Variants in ARMH3 observed in about 807,000 individuals in gnomAD.
ARMH3 encodes the protein armadillo-like helical domain-containing protein 3.
ARMH3 carries 60 observed loss-of-function variants against 99.1 expected under a neutral mutation model. That is an observed-to-expected ratio of 0.61 (90% CI 0.49 to 0.75). The LOEUF is 0.75. ARMH3 is among the 30% of genes least tolerant of loss of function. The pLI, the probability that ARMH3 is intolerant of heterozygous loss-of-function variation, is 0.00. For missense variants in ARMH3, 679 were observed against 843.1 expected (o/e 0.81, Z 2.41); for synonymous variants, 285 against 292.8 (o/e 0.97, Z 0.27).
At chr10:102,012,451 A>G (rs1015100862) in intron 10 of ARMH3, among the ~76,000 whole-genome samples, 10 of 152,186 alleles carry the variant, frequency 6.6e-5, no homozygotes, top group Non-Finnish European at 1.2e-4. Flanking sequence ...CCTTTTATAT[A>G]TTTTTTAAGA....
intron 1 of ARMH3, among the ~76,000 whole-genome samples, chr10:102,048,830 G>T (rs143342152): frequency 1.1e-4 from 16 of 152,132 alleles, no homozygotes; most frequent in Non-Finnish European, 2.1e-4. Context: ...TAGATACAGG[G>T]TTTTTTAAAA....
intron 23 of ARMH3, among the ~76,000 whole-genome samples, chr10:101,895,548 G>C (rs1389828565): frequency 6.6e-6 from 1 of 152,002 alleles, no homozygotes; most frequent in East Asian, 1.9e-4. Context: ...CAAAGTGTTG[G>C]GATTACAGGT....
chr10:101,975,396 T>C (rs902199104), intron 19 of ARMH3, 96 bp from the exon 20 acceptor site: 19 of 880,814 alleles, frequency 2.2e-5, no homozygotes, highest in Non-Finnish European at 7.4e-6. Flanking sequence ...CTAAGGCCAC[T>C]AAAGACACTG....
At chr10:101,858,341 G>A (rs2066781516) in intron 24 of ARMH3, among the ~76,000 whole-genome samples, 1 of 152,124 alleles carries the variant, frequency 6.6e-6, no homozygotes, top group East Asian at 1.9e-4. Context: ...GGATGGAGCT[G>A]GGTAAGCCTG....
intron 8 of ARMH3, among the ~76,000 whole-genome samples, chr10:102,019,814 G>C (rs1455492811): frequency 2.0e-5 from 3 of 151,396 alleles, no homozygotes; most frequent in Non-Finnish European, 4.4e-5. Context: ...TGTAATCCCA[G>C]CTACTCCGGA....
chr10:102,001,922 G>A (rs962957290), intron 15 of ARMH3, 49 bp downstream of exon 15: 1 of 1,510,880 alleles, frequency 6.6e-7, no homozygotes. Context: ...GATGCTAGCT[G>A]CCTGCCACAC....
intron 20 of ARMH3, among the ~76,000 whole-genome samples, chr10:101,974,127 T>C (rs1383884680): frequency 3.3e-5 from 5 of 152,202 alleles, no homozygotes; most frequent in South Asian, 2.1e-4. Context: ...AATGCCACTA[T>C]TGCCACTTAA....
Position 101,995,353 on chromosome 10 carries a change from C to A in ARMH3, c.1153G>T (p.Glu385Ter). The A allele has an allele frequency of 6.2e-7, 1 of 1,612,994 alleles. No individual in the cohort carries two copies. The highest frequency in any genetic ancestry group is 1.1e-5 in the South Asian group (1 of 90,938). The part of the protein sequence containing the change: ...SSIVMQDTKD[E>*]HRLHSGKLCL... ...AGTTTGCCACTGTGAAGCCTGTGTT[C>A]ATCTGTAAAGAAAAAAGAAACTCTT... is the stretch of plus-strand genomic sequence containing the variant. The change falls in exon 16 of 26, where the codon GAA (glutamate) becomes TAA (stop). Residue 385 changes from glutamate (E) to a stop codon, truncating the protein, a stop_gained and splice_region_variant. Coordinates refer to ENST00000370033, the MANE Select transcript of ARMH3 (RefSeq NM_024541.3). LOFTEE classifies it high-confidence loss of function.
chr10:101,987,898 G>GT (rs1175558396), intron 19 of ARMH3, among the ~76,000 whole-genome samples: 7 of 151,942 alleles, frequency 4.6e-5, no homozygotes, highest in Non-Finnish European at 5.9e-5. Flanking sequence ...AAGCCTTAAG[G>GT]TTTTTTTTAA....
intron 23 of ARMH3, among the ~76,000 whole-genome samples, chr10:101,927,508 C>T (rs898674766): frequency 1.3e-5 from 2 of 152,230 alleles, no homozygotes; most frequent in Non-Finnish European, 2.9e-5. Context: ...TTTAAATTTA[C>T]CTCAAGGTCC....
At chr10:101,862,945 T>G (rs974729021) in intron 24 of ARMH3, among the ~76,000 whole-genome samples, 1 of 152,244 alleles carries the variant, frequency 6.6e-6, no homozygotes, top group African/African-American at 2.4e-5. Flanking sequence ...GGCTCATGCC[T>G]GTAATCCCAG....
chr10:101,956,938 AT>A (rs1017174094), intron 21 of ARMH3, among the ~76,000 whole-genome samples: 1 of 152,210 alleles, frequency 6.6e-6, no homozygotes, highest in Non-Finnish European at 1.5e-5. Flanking sequence ...AGTAATAAAT[AT>A]TAAAAACTTA....
At chr10:101,895,184 A>G (rs2067793795) in intron 23 of ARMH3, among the ~76,000 whole-genome samples, 1 of 152,230 alleles carries the variant, frequency 6.6e-6, no homozygotes, top group Admixed American at 6.5e-5. Context: ...ATCCACATGC[A>G]AAAGAATGAA....
intron 2 of ARMH3, among the ~76,000 whole-genome samples, chr10:102,038,908 T>A (rs2067343920): frequency 6.6e-6 from 1 of 151,760 alleles, no homozygotes. Context: ...CCTGGATAAT[T>A]TTTGTATTTT....
intron 24 of ARMH3, among the ~76,000 whole-genome samples, chr10:101,875,817 C>T (rs1213787617): frequency 6.6e-6 from 1 of 152,200 alleles, no homozygotes; most frequent in Non-Finnish European, 1.5e-5. Context: ...GGTTGAAGCC[C>T]TAGACACCCC....
chr10:101,854,112 CAAA>C, intron 24 of ARMH3, among the ~76,000 whole-genome samples: 1 of 150,568 alleles, frequency 6.6e-6, no homozygotes, highest in Admixed American at 6.6e-5. Context: ...GACTCCGTCT[CAAA>C]AAAAAAGAAA....
chr10:102,054,897 G>A (rs2067800482), intron 1 of ARMH3, among the ~76,000 whole-genome samples: 1 of 151,736 alleles, frequency 6.6e-6, no homozygotes, highest in African/African-American at 2.4e-5. Context: ...TTGGGGGGCT[G>A]ACGGGGAAGA....
At chr10:101,881,049 A>G (rs2067403262) in intron 24 of ARMH3, among the ~76,000 whole-genome samples, 1 of 152,244 alleles carries the variant, frequency 6.6e-6, no homozygotes, top group Non-Finnish European at 1.5e-5. Flanking sequence ...ACTCATTCAG[A>G]TATAAAGCAT....
chr10:101,937,745 A>G (rs1288827872), intron 23 of ARMH3, among the ~76,000 whole-genome samples: 1 of 152,202 alleles, frequency 6.6e-6, no homozygotes, highest in Non-Finnish European at 1.5e-5. Context: ...AAGTGAGAAT[A>G]GATGTCAGAA....
Sources: allele counts gnomAD v4.1 joint callset (sites outside exome capture counted in the v4.1 genomes callset), GRCh38; gene constraint gnomAD v4.1.1; transcripts MANE v1.5; gene names NCBI Gene and HGNC (gene_info 2026-07-23, HGNC 2026-07-21).